Variants in CDH11 observed in about 807,000 individuals in gnomAD.
CDH11 encodes cadherin-11.
A neutral mutation model predicts 67.8 loss-of-function variants in CDH11; 11 were observed. The ratio of observed to expected loss-of-function variants is 0.16; its 90% CI spans 0.10 to 0.27. CDH11 has a LOEUF of 0.27. CDH11 is among the 10% of genes least tolerant of loss of function. The pLI is 1.00. For missense variants in CDH11, 847 were observed against 1,031.2 expected (o/e 0.82, Z 2.45); for synonymous variants, 419 against 400.0 (o/e 1.05, Z -0.57).
At chr16:64,966,526 G>A (rs1376388859) in intron 11 of CDH11, among the ~76,000 whole-genome samples, 1 of 151,804 alleles carries the variant, frequency 6.6e-6, no homozygotes, top group Non-Finnish European at 1.5e-5. Flanking sequence ...TAGACAGAAT[G>A]GGAAGAATAG....
intron 4 of CDH11, among the ~76,000 whole-genome samples, chr16:64,995,268 A>G (rs541840825): frequency 1.3e-5 from 2 of 152,314 alleles, no homozygotes; most frequent in South Asian, 4.1e-4. Context: ...GAACCAAAAA[A>G]GAGCCCGAAT....
At chr16:65,090,611 C>T (rs887716856) in intron 1 of CDH11, among the ~76,000 whole-genome samples, 3 of 152,172 alleles carry the variant, frequency 2.0e-5, no homozygotes, top group Admixed American at 2.0e-4. Context: ...TTCCCTCCCG[C>T]CAGCCATTCC....
In CDH11 at chr16:64,991,919, G is replaced by A; in HGVS notation, c.660C>T (p.Ala220=). The change falls in exon 6 of 13, where the codon GCC becomes GCT. Residue 220 remains alanine, a synonymous_variant. Transcript: ENST00000268603. ...VEAQTGIIRT[A]LPNMDREAKE... is the part of the protein sequence containing the mutation. ...TGGCCTCCCTGTCCATGTTGGGTAG[G>A]GCTGTTCTGATGATACCTGGACAGG... 6.2e-7 allele frequency: 1 copy of A among 1,611,310 alleles called. No individual in the cohort carries two copies. The highest frequency in any genetic ancestry group is 8.5e-7 in the Non-Finnish European group (1 of 1,177,884).
chr16:65,013,876 G>C (rs1014429106), intron 2 of CDH11, among the ~76,000 whole-genome samples: 1 of 151,866 alleles, frequency 6.6e-6, no homozygotes, highest in Non-Finnish European at 1.5e-5. Context: ...AGTCTCAAAG[G>C]GAGAGTGCCA....
At chr16:65,054,696 A>G (rs967578265) in intron 1 of CDH11, among the ~76,000 whole-genome samples, 5 of 152,298 alleles carry the variant, frequency 3.3e-5, no homozygotes, top group African/African-American at 1.2e-4. Context: ...AAACTGAGGC[A>G]CTGAACCAAG....
At chr16:65,023,194 A>C (rs1183771611) in intron 2 of CDH11, among the ~76,000 whole-genome samples, 1 of 152,224 alleles carries the variant, frequency 6.6e-6, no homozygotes, top group Non-Finnish European at 1.5e-5. Context: ...TCAGGCTACC[A>C]AGCCAAAGGC....
rs924162962 is a variant in CDH11, at chr16:65,110,315, C to T, written c.-298+11565G>A. On this transcript the variant is annotated intron_variant, in intron 1 of 12. Coordinates refer to ENST00000268603, the MANE Select transcript of CDH11 (RefSeq NM_001797.4). Reference sequence around the variant, plus strand: ...GATATTGTTCCTCATAACAGTCCCACAAGGATATGTAGGGAAATGAAAACT... The same window carrying T: ...GATATTGTTCCTCATAACAGTCCCATAAGGATATGTAGGGAAATGAAAACT... Among the ~76,000 whole-genome samples the T allele has an allele frequency of 5.9e-5, 9 of 152,280 alleles. No individual in the cohort carries two copies. In the South Asian group the frequency reaches 6.2e-4, roughly 11 times the overall value.
chr16:65,009,873 C>A lies in CDH11; in HGVS notation c.-172-4832G>T, dbSNP rs550624307. On this transcript the variant is annotated intron_variant, in intron 2 of 12. Coordinates refer to ENST00000268603, the MANE Select transcript of CDH11 (RefSeq NM_001797.4). ...CACCAGCTCGAAAGGGAAGGATCAC[C>A]CCTCTATCTTGAGAGCAGATAGCCC... is the stretch of plus-strand genomic sequence containing the variant. Among the ~76,000 whole-genome samples the A allele has an allele frequency of 2.0e-5, 3 of 152,228 alleles. No homozygotes were observed. The East Asian group carries it at 5.8e-4, about 29-fold the overall frequency.
chr16:65,059,482 T>TAG (rs993815346), intron 1 of CDH11: 23 of 152,222 alleles, frequency 1.5e-4, no homozygotes, highest in African/African-American at 5.5e-4. Context: ...TGGACGGGCG[T>TAG]AGAGAGAGTC....
At chr16:65,089,457 G>A (rs2074756652) in intron 1 of CDH11, among the ~76,000 whole-genome samples, 1 of 151,876 alleles carries the variant, frequency 6.6e-6, no homozygotes, top group Admixed American at 6.6e-5. Context: ...GTGAAAACTT[G>A]CTCTTAAAAC....
chr16:64,967,978 A>T (rs2071889087), intron 11 of CDH11, among the ~76,000 whole-genome samples: 6 of 152,206 alleles, frequency 3.9e-5, no homozygotes, highest in Admixed American at 3.9e-4. Context: ...ATTAATCCAT[A>T]AATTAAATTT....
intron 2 of CDH11, among the ~76,000 whole-genome samples, chr16:65,035,331 T>C (rs562707170): frequency 4.2e-4 from 64 of 152,300 alleles, no homozygotes; most frequent in African/African-American, 1.5e-3. Flanking sequence ...GAAGTGAGGT[T>C]CAGAAGACCT....
At chr16:65,017,320 G>A (rs991054027) in intron 2 of CDH11, among the ~76,000 whole-genome samples, 19 of 152,086 alleles carry the variant, frequency 1.2e-4, no homozygotes, top group Admixed American at 1.1e-3. Flanking sequence ...GCAAGGGAAC[G>A]CTTGCAACCT....
intron 1 of CDH11, among the ~76,000 whole-genome samples, chr16:65,085,361 A>G (rs1475300916): frequency 6.6e-6 from 1 of 152,196 alleles, no homozygotes; most frequent in African/African-American, 2.4e-5. Flanking sequence ...ATTCCACCTT[A>G]GTCATCTCCA....
chr16:64,951,132 A>C, intron 11 of CDH11, 114 bp from the exon 12 acceptor site: 1 of 1,061,662 alleles, frequency 9.4e-7, no homozygotes. Flanking sequence ...AACCGCCAGA[A>C]TCGTTCTTAC....
rs1308454294 is a variant in CDH11 at position 65,033,265 on chromosome 16, CACACACAT to C, written c.-173+20531_-173+20538del. Among the ~76,000 whole-genome samples, 1,131 of 145,696 alleles carry C rather than the reference CACACACAT, an allele frequency of 7.8e-3. 28 individuals are homozygous for C. The highest frequency in any genetic ancestry group is 0.046 in the Admixed American group (637 of 13,944). Reference sequence around the variant, plus strand: ...ACACACACACACACACACACACACACACACACATACAGATTTTGAGAAATCACAAGCCA... The same window carrying C: ...ACACACACACACACACACACACACACACAGATTTTGAGAAATCACAAGCCA... On this transcript the variant is annotated intron_variant, in intron 2 of 12. Transcript: ENST00000268603.
chr16:64,974,196 C>A (rs8058405), intron 8 of CDH11, among the ~76,000 whole-genome samples: 46,479 of 142,130 alleles, frequency 0.33, 7,632 homozygotes, highest in South Asian at 0.52. Context: ...GAACTCCAAA[C>A]CCCTTCCCTT....
At chr16:64,961,692 C>T (rs547560078) in intron 11 of CDH11, among the ~76,000 whole-genome samples, 142 of 152,112 alleles carry the variant, frequency 9.3e-4, no homozygotes, top group Admixed American at 1.9e-3. Context: ...TTCCTCTGTA[C>T]CTTATCAAAT....
At chr16:65,107,515 CTCTT>C (rs2075084848) in intron 1 of CDH11, among the ~76,000 whole-genome samples, 2 of 152,198 alleles carry the variant, frequency 1.3e-5, no homozygotes, top group South Asian at 2.1e-4. Context: ...AACTTTCTGT[CTCTT>C]TCTATCAGTT....
Sources: gnomAD v4.1 joint callset for allele counts (sites outside exome capture counted in the v4.1 genomes callset) on GRCh38, gnomAD v4.1.1 for gene constraint, MANE v1.5 for transcripts, NCBI Gene and HGNC (gene_info 2026-07-23, HGNC 2026-07-21) for gene names.